SFXN5: variants seen among roughly 807,000 people sequenced by gnomAD.
SFXN5 encodes the protein sideroflexin-5.
A neutral mutation model predicts 50.2 loss-of-function variants in SFXN5; 43 were observed. The ratio of observed to expected loss-of-function variants is 0.86; its 90% CI spans 0.67 to 1.11. The LOEUF is 1.11. SFXN5 is among the 50% of genes least tolerant of loss of function. The pLI is 0.00. For missense variants in SFXN5, 463 were observed against 454.1 expected (o/e 1.02, Z -0.18); for synonymous variants, 203 against 185.8 (o/e 1.09, Z -0.75).
rs560593236 is a variant in SFXN5 at position 72,972,655 on chromosome 2, G to A, written c.626-970C>T. 7.9e-3 allele frequency among the ~76,000 whole-genome samples: 1,203 copies of A among 152,294 alleles called. 11 individuals are homozygous for A. Among genetic ancestry groups the A allele is most frequent in the Non-Finnish European group, 0.01 (688 of 68,002 alleles). ...ACCCCGCCTGAACTCTCCCAGCCCC[G>A]CTGCAGGATGGAAGTGGGGGGACCT... On this transcript the variant is annotated intron_variant, in intron 10 of 13. Coordinates refer to ENST00000272433, the MANE Select transcript of SFXN5 (RefSeq NM_144579.3).
At chr2:72,985,059 A>G (rs530993669) in intron 10 of SFXN5, among the ~76,000 whole-genome samples, 6 of 152,094 alleles carry the variant, frequency 3.9e-5, no homozygotes, top group Admixed American at 1.3e-4. Context: ...GACCCCCATC[A>G]CCCTGAAGAC....
chr2:72,968,757 T>A (rs1380506447), intron 11 of SFXN5, among the ~76,000 whole-genome samples: 4 of 152,036 alleles, frequency 2.6e-5, no homozygotes, highest in Non-Finnish European at 5.9e-5. Flanking sequence ...TTTCTTTCCT[T>A]CCTTTTTTCT....
chr2:72,962,702 A>G (rs534896439), intron 12 of SFXN5, among the ~76,000 whole-genome samples: 2 of 152,332 alleles, frequency 1.3e-5, no homozygotes, highest in East Asian at 1.9e-4. Context: ...CCTGGCACAC[A>G]GTAAGTGCTC....
chr2:73,036,479 C>T (rs1033361789), intron 3 of SFXN5, among the ~76,000 whole-genome samples: 2 of 152,196 alleles, frequency 1.3e-5, no homozygotes, highest in African/African-American at 2.4e-5. Flanking sequence ...AATCGGGAAG[C>T]ACAGTTAGTG....
intron 2 of SFXN5, among the ~76,000 whole-genome samples, chr2:73,047,449 A>T (rs889411109): frequency 6.7e-6 from 1 of 150,168 alleles, no homozygotes; most frequent in African/African-American, 2.5e-5. Context: ...TTGCAGGACA[A>T]TGATATGGTT....
At chr2:73,056,639 C>T (rs944255329) in intron 2 of SFXN5, among the ~76,000 whole-genome samples, 1 of 150,390 alleles carries the variant, frequency 6.6e-6, no homozygotes, top group African/African-American at 2.5e-5. Flanking sequence ...GAGCTGGGAT[C>T]ACACCATTGC....
rs552845164 is a variant in SFXN5 at position 72,983,473 on chromosome 2, A to G, written c.625+4785T>C. On this transcript the variant is annotated intron_variant, in intron 10 of 13. Coordinates refer to ENST00000272433, the MANE Select transcript of SFXN5 (RefSeq NM_144579.3). ...GAAGCTTGTTCTCCTTGGAAGGAGC[A>G]GCTGGCTGATGCCAAAGCTCAGGCC... Among the ~76,000 whole-genome samples the G allele has an allele frequency of 1.8e-4, 28 of 152,348 alleles. No homozygotes were observed. In the South Asian group the frequency reaches 5.6e-3, roughly 30 times the overall value.
chr2:72,961,167 C>A lies in SFXN5; in HGVS notation c.909G>T (p.Leu303=). Reference sequence around the variant, plus strand: ...GCGGGAAGAGGCTGATGGCCAGCGGCAGGGCCAGGCCGAAGGCTGCCAGGC... The same window carrying A: ...GCGGGAAGAGGCTGATGGCCAGCGGAAGGGCCAGGCCGAAGGCTGCCAGGC... ...LVCLAAFGLA[L]PLAISLFPQM... The change falls in exon 13 of 14, where the codon CTG becomes CTT. Residue 303 remains leucine, a synonymous_variant. Transcript: ENST00000272433. This position sits in a 1 kb window ranked among gnomAD's most constrained non-coding sequence, Gnocchi z 4.4. 1 of 1,580,318 alleles carries A rather than the reference C, an allele frequency of 6.3e-7. No homozygotes were observed. The highest frequency in any genetic ancestry group is 8.6e-7 in the Non-Finnish European group (1 of 1,165,440).
At position 73,001,979 on chromosome 2, in the gene SFXN5, C is replaced by A. The variant is rs181457972; in HGVS notation, c.358-401G>T. The stretch of plus-strand genomic sequence containing the variant: ...TGTATTATTTCCACAATTAGGGGGG[C>A]AATAAAAACAAGCAAACAAAAGGAA... On this transcript the variant is annotated intron_variant, in intron 6 of 13. Coordinates refer to ENST00000272433, the MANE Select transcript of SFXN5 (RefSeq NM_144579.3). 9.3e-4 allele frequency among the ~76,000 whole-genome samples: 142 copies of A among 152,212 alleles called. 1 individual carries two copies. The highest frequency in any genetic ancestry group is 6.8e-3 in the Middle Eastern group (2 of 294).
intron 13 of SFXN5, among the ~76,000 whole-genome samples, chr2:72,955,529 T>C (rs1672997236): frequency 6.6e-6 from 1 of 152,176 alleles, no homozygotes; most frequent in Admixed American, 6.5e-5. Context: ...AAAGAAAGAT[T>C]GAAGCAGAAA....
chr2:73,024,827 T>C (rs1396981152), intron 3 of SFXN5, among the ~76,000 whole-genome samples: 1 of 152,172 alleles, frequency 6.6e-6, no homozygotes, highest in African/African-American at 2.4e-5. Context: ...ATCTGGAACA[T>C]AAATTAAGCT....
At chr2:72,963,558 C>A (rs892355177) in intron 12 of SFXN5, among the ~76,000 whole-genome samples, 21 of 151,092 alleles carry the variant, frequency 1.4e-4, no homozygotes, top group African/African-American at 5.1e-4. Context: ...AGGAAAATGG[C>A]AAGGAGGGAA....
chr2:73,028,430 G>A (rs1421424361), intron 3 of SFXN5, among the ~76,000 whole-genome samples: 1 of 152,206 alleles, frequency 6.6e-6, no homozygotes, highest in Non-Finnish European at 1.5e-5. Flanking sequence ...GGCGCAGGGA[G>A]GGCCATGCAG....
intron 3 of SFXN5, among the ~76,000 whole-genome samples, chr2:73,026,969 C>T (rs1304036408): frequency 1.3e-5 from 2 of 152,138 alleles, no homozygotes; most frequent in South Asian, 2.1e-4. Context: ...TCAGGTGATC[C>T]GCCTGCCTCA....
At chr2:72,994,383 T>C (rs902959134) in intron 9 of SFXN5, among the ~76,000 whole-genome samples, 14 of 152,124 alleles carry the variant, frequency 9.2e-5, no homozygotes. Context: ...TGGAACCCCT[T>C]CTTCTATGCC....
chr2:72,944,952 CGT>C lies in SFXN5; in HGVS notation c.*68_*69del. On this transcript the variant is annotated 3_prime_UTR_variant, in exon 14 of 14. Coordinates refer to ENST00000272433, the MANE Select transcript of SFXN5 (RefSeq NM_144579.3). ...GCGTGCTGCTCCCTGCAGGTGCAGC[CGT>C]GAGTCTACGGCCCTGCCCCTCAGCT... 1 of 1,454,486 alleles carries C rather than the reference CGT, an allele frequency of 6.9e-7. No individual in the cohort carries two copies. The allele number at this position is 1,454,486 out of a possible 1,614,324, so 90.1% of individuals were successfully genotyped here. A position where few individuals can be genotyped will look rare whatever the true frequency, so the allele number is the denominator to read the frequency against.
chr2:73,026,791 C>T (rs1259928679), intron 3 of SFXN5, among the ~76,000 whole-genome samples: 1 of 151,852 alleles, frequency 6.6e-6, no homozygotes, highest in Non-Finnish European at 1.5e-5. Flanking sequence ...TGCAATGGCA[C>T]GGTCTTGGCT....
chr2:73,008,952 G>A (rs2105755534), intron 6 of SFXN5, among the ~76,000 whole-genome samples: 1 of 152,258 alleles, frequency 6.6e-6, no homozygotes, highest in East Asian at 1.9e-4. Flanking sequence ...GTAGGGCGAG[G>A]TGACTCCCGG....
At chr2:73,071,491 A>G in intron 1 of SFXN5, 113 bp downstream of exon 1, 1 of 942,592 alleles carries the variant, frequency 1.1e-6, no homozygotes, top group Non-Finnish European at 1.6e-6. Flanking sequence ...CGCTAGCTGC[A>G]GGCTCCGCTG....
Sources: allele counts gnomAD v4.1 joint callset (sites outside exome capture counted in the v4.1 genomes callset), GRCh38; gene constraint gnomAD v4.1.1; non-coding constraint Gnocchi (gnomAD v3.1); transcripts MANE v1.5; gene names NCBI Gene and HGNC (gene_info 2026-07-23, HGNC 2026-07-21).